The following USP22 variants were observed in gnomAD, a reference collection of about 807,000 sequenced individuals.
USP22 encodes the protein ubiquitin specific peptidase 22.
Under a neutral mutation model 68.1 loss-of-function variants are expected in USP22, and 22 were observed. That is an observed-to-expected ratio of 0.32 (90% CI 0.23 to 0.46). USP22 has a LOEUF of 0.46. Among genes scored for constraint, USP22 ranks in the 20% least tolerant of loss-of-function variants. The probability of loss-of-function intolerance (pLI) is 1.00; values close to 1 mark genes in which losing one functional copy is unlikely to be tolerated. For synonymous variants in USP22, 279 were observed against 274.2 expected (o/e 1.02, Z -0.17); for missense variants, 433 against 695.8 (o/e 0.62, Z 4.25).
intron 2 of USP22, among the ~76,000 whole-genome samples, chr17:21,026,070 C>A (rs556319057): frequency 1.1e-4 from 16 of 152,278 alleles, no homozygotes; most frequent in Admixed American, 5.2e-4. Flanking sequence ...ACCAGCCTGG[C>A]CAACATGGTG....
intron 1 of USP22, among the ~76,000 whole-genome samples, chr17:21,031,236 T>C (rs1972287165): frequency 6.6e-6 from 1 of 152,250 alleles, no homozygotes; most frequent in South Asian, 2.1e-4. Context: ...TTTGTAGCAT[T>C]ATTACTTGCA....
intron 10 of USP22, 174 bp downstream of exon 10, chr17:21,006,722 C>G (rs898703921): frequency 7.4e-6 from 3 of 405,316 alleles, no homozygotes; most frequent in African/African-American, 6.2e-5. Context: ...CCATGATGGT[C>G]TCAATCTGTT....
In USP22 at chr17:21,004,667, G is replaced by A. The variant is rs193054469; in HGVS notation, c.1385+261C>T. ...CCCCAAGGCAAGAAGAATGAACACC[G>A]AGCTTTCCAGATGGAACCTCCCTCC... On this transcript the variant is annotated intron_variant, in intron 11 of 12. Transcript: ENST00000261497. 1.6e-4 allele frequency among the ~76,000 whole-genome samples: 24 copies of A among 152,320 alleles called. No homozygotes were observed. The East Asian group carries it at 4.4e-3, about 28-fold the overall frequency.
intron 8 of USP22, among the ~76,000 whole-genome samples, chr17:21,010,604 C>T (rs1273228560): frequency 6.8e-6 from 1 of 147,610 alleles, no homozygotes; most frequent in Non-Finnish European, 1.5e-5. Flanking sequence ...GCAGAGGCTG[C>T]AGTGAGCAGA....
At chr17:21,020,774 G>A (rs973039867) in intron 3 of USP22, among the ~76,000 whole-genome samples, 6 of 152,256 alleles carry the variant, frequency 3.9e-5, no homozygotes, top group African/African-American at 1.2e-4. Context: ...CGCCACACTC[G>A]TTCAGCCCCA....
intron 2 of USP22, among the ~76,000 whole-genome samples, chr17:21,024,441 A>G (rs918909553): frequency 6.6e-6 from 1 of 152,204 alleles, no homozygotes; most frequent in African/African-American, 2.4e-5. Flanking sequence ...CATCAGGACC[A>G]TTTGAGGGGA....
intron 1 of USP22, chr17:21,042,339 A>AG (rs996023805): frequency 7.1e-5 from 8 of 113,198 alleles, no homozygotes; most frequent in African/African-American, 3.8e-4. Flanking sequence ...AGGATAAGGG[A>AG]GGGGGAGGGC....
At chr17:21,018,673 G>A (rs1199561284) in intron 4 of USP22, among the ~76,000 whole-genome samples, 1 of 151,806 alleles carries the variant, frequency 6.6e-6, no homozygotes, top group Non-Finnish European at 1.5e-5. Flanking sequence ...GCTCCAGCCT[G>A]GGCAACAGAG....
chr17:21,037,256 T>G (rs967784596), intron 1 of USP22, among the ~76,000 whole-genome samples: 4 of 152,106 alleles, frequency 2.6e-5, no homozygotes, highest in African/African-American at 7.2e-5. Context: ...TCCAAATAAT[T>G]TAAGTAGCTA....
At chr17:21,037,560 G>A (rs1189369884) in intron 1 of USP22, among the ~76,000 whole-genome samples, 1 of 152,098 alleles carries the variant, frequency 6.6e-6, no homozygotes, top group Non-Finnish European at 1.5e-5. Flanking sequence ...AAAACTGAGG[G>A]ACATTCTACA....
chr17:21,005,384 G>A lies in USP22; in HGVS notation c.1323-394C>T, dbSNP rs1190657653. Among the ~76,000 whole-genome samples, 5 of 152,212 alleles carry A rather than the reference G, an allele frequency of 3.3e-5. No individual in the cohort carries two copies. In the East Asian group the frequency reaches 9.6e-4, roughly 29 times the overall value. On this transcript the variant is annotated intron_variant, in intron 10 of 12. Transcript: ENST00000261497. ...CTGAATCCATTCTACAACCTAGGCA[G>A]GTGCCTCCTCAAAAGGGACAAAGAT...
chr17:21,011,194 T>C lies in USP22; in HGVS notation c.1060A>G (p.Ser354Gly). Residue 354 changes from serine to glycine, a missense_variant, in exon 8 of 13, where the codon AGC becomes GGC. Ser to Gly is a moderately conservative substitution (Grantham distance 56, BLOSUM62 0). Coordinates refer to ENST00000261497, the MANE Select transcript of USP22 (RefSeq NM_015276.2). ...AGCGTGGTGGTTCCCGACACGTGGCTTTCCCCGTTTACCACGTTGCCCTCG... is the reference window on the plus strand; with the variant it reads ...AGCGTGGTGGTTCCCGACACGTGGCCTTCCCCGTTTACCACGTTGCCCTCG... The part of the protein sequence containing the change: ...GSEGNVVNGE[S>G]HVSGTTTLTD... 1 of 1,612,462 alleles carries C rather than the reference T, an allele frequency of 6.2e-7. No individual in the cohort carries two copies. The highest frequency in any genetic ancestry group is 8.5e-7 in the Non-Finnish European group (1 of 1,179,034).
rs950463209 is a variant in USP22 at position 21,001,856 on chromosome 17, T to C, written c.*1175A>G. The C allele has an allele frequency of 2.0e-5, 3 of 152,246 alleles. No individual in the cohort carries two copies. Among genetic ancestry groups the C allele is most frequent in the African/African-American group, 7.2e-5 (3 of 41,456 alleles). 9.4% of individuals were successfully genotyped at this position (152,246 alleles called of 1,614,324 possible). On this transcript the variant is annotated 3_prime_UTR_variant, in exon 13 of 13. Coordinates refer to ENST00000261497, the MANE Select transcript of USP22 (RefSeq NM_015276.2). ...ATGCAAGATATCTTACAAGAAACAATGCACATCCTTCTACTTTCTCTTTCA... is the reference window on the plus strand; with the variant it reads ...ATGCAAGATATCTTACAAGAAACAACGCACATCCTTCTACTTTCTCTTTCA...
At chr17:21,021,707 A>T (rs890777151) in intron 2 of USP22, among the ~76,000 whole-genome samples, 4 of 152,060 alleles carry the variant, frequency 2.6e-5, no homozygotes, top group African/African-American at 9.7e-5. Flanking sequence ...GTACAGGGGG[A>T]AAATAGTTTC....
At chr17:21,042,525 G>C in intron 1 of USP22, 140 bp downstream of exon 1, 1 of 791,688 alleles carries the variant, frequency 1.3e-6, no homozygotes, top group Non-Finnish European at 1.7e-6. Flanking sequence ...GAGAAGAGAG[G>C]GCAGAAGGAG....
chr17:21,021,089 A>T, intron 3 of USP22, 24 bp downstream of exon 3: 4 of 1,567,756 alleles, frequency 2.6e-6, no homozygotes, highest in Middle Eastern at 1.7e-4. Flanking sequence ...AGGATCAAGC[A>T]GGTAAACTGA....
chr17:21,042,082 G>C (rs971940232), intron 1 of USP22: 1 of 152,432 alleles, frequency 6.6e-6, no homozygotes, highest in Non-Finnish European at 1.5e-5. Context: ...GTCGCTCCTG[G>C]CGGCGGGTGA....
intron 1 of USP22, among the ~76,000 whole-genome samples, chr17:21,040,926 C>A (rs1972421427): frequency 6.6e-6 from 1 of 151,742 alleles, no homozygotes; most frequent in African/African-American, 2.4e-5. Context: ...GCTCTGTCAC[C>A]CAGTCTGGAG....
intron 4 of USP22, among the ~76,000 whole-genome samples, chr17:21,018,849 C>G (rs1409602961): frequency 2.6e-5 from 4 of 152,234 alleles, no homozygotes; most frequent in African/African-American, 9.6e-5. Flanking sequence ...TTTACCCACA[C>G]AGACGCTGAA....
Sources: allele counts gnomAD v4.1 joint callset (sites outside exome capture counted in the v4.1 genomes callset), GRCh38; gene constraint gnomAD v4.1.1; transcripts MANE v1.5; gene names NCBI Gene and HGNC (gene_info 2026-07-23, HGNC 2026-07-21).